The following RFXANK variants were observed in gnomAD, a reference collection of about 807,000 sequenced individuals.
RFXANK encodes the protein regulatory factor X associated ankyrin containing protein, also known as DNA-binding protein RFXANK.
A neutral mutation model predicts 34.5 loss-of-function variants in RFXANK; 19 were observed. The ratio of observed to expected loss-of-function variants is 0.55; its 90% CI spans 0.38 to 0.81. The LOEUF is 0.81. Ranked by LOEUF, RFXANK falls within the 30% of genes least tolerant of loss-of-function variation. The pLI, the probability that RFXANK is intolerant of heterozygous loss-of-function variation, is 0.00. For synonymous variants in RFXANK, 154 were observed against 149.8 expected (o/e 1.03, Z -0.20); for missense variants, 295 against 343.5 (o/e 0.86, Z 1.12).
chr19:19,197,812 C>T (rs2069229218), intron 6 of RFXANK, 191 bp downstream of exon 6: 1 of 658,798 alleles, frequency 1.5e-6, no homozygotes, highest in Non-Finnish European at 2.6e-6. Context: ...AGTTCAAGAC[C>T]AGCCCGGCCA....
chr19:19,195,611 C>T (rs912912837), intron 3 of RFXANK, among the ~76,000 whole-genome samples: 17 of 151,302 alleles, frequency 1.1e-4, no homozygotes, highest in African/African-American at 3.4e-4. Context: ...GTCCCTGTAG[C>T]GGATTTCTTT....
intron 9 of RFXANK, among the ~76,000 whole-genome samples, chr19:19,200,344 AT>A (rs1018731827): frequency 4.6e-5 from 7 of 151,518 alleles, no homozygotes; most frequent in African/African-American, 1.7e-4. Context: ...CGCCCGGCTA[AT>A]TTTTATATTT....
Position 19,197,245 on chromosome 19 carries a change from C to T in RFXANK, c.331C>T (p.Arg111Trp), listed in dbSNP as rs764895631. Residue 111 changes from arginine (R) to tryptophan (W), a missense_variant, in exon 5 of 10, where the codon CGG becomes TGG. Physicochemically the swap from Arg to Trp is moderately radical, Grantham distance 101. Transcript: ENST00000303088. ...GCTGGACCAGCTGAAGGAGCATTTG[C>T]GGAAAGGTGCGTGTCCACACACATG... ...GELDQLKEHLRKGDNLVNKPD... is the reference protein window; with the variant it reads ...GELDQLKEHLWKGDNLVNKPD... The T allele has an allele frequency of 3.2e-5, 52 of 1,612,774 alleles. No homozygotes were observed. The highest frequency in any genetic ancestry group is 1.3e-4 in the East Asian group (6 of 44,886).
At chr19:19,197,288 CTGGCTGG>C (rs1568579372) in intron 5 of RFXANK, 37 bp downstream of exon 5, 1 of 1,604,804 alleles carries the variant, frequency 6.2e-7, no homozygotes, top group Admixed American at 1.7e-5. Flanking sequence ...ATGTCTGCAC[CTGGCTGG>C]TGTGTGCATA....
chr19:19,193,526 C>T (rs747898703), intron 2 of RFXANK, among the ~76,000 whole-genome samples: 12 of 146,912 alleles, frequency 8.2e-5, no homozygotes, highest in Non-Finnish European at 1.3e-4. Context: ...TCAAGCAATT[C>T]TGCCTCAGCC....
At chr19:19,194,688 TA>T (rs1176263851) in intron 3 of RFXANK, among the ~76,000 whole-genome samples, 4 of 150,684 alleles carry the variant, frequency 2.7e-5, no homozygotes, top group African/African-American at 4.9e-5. Context: ...CACACCTGGC[TA>T]ATTTTTTTTT....
chr19:19,196,880 C>CAA, intron 3 of RFXANK, 83 bp from the exon 4 acceptor site: 11 of 1,247,300 alleles, frequency 8.8e-6, no homozygotes, highest in Non-Finnish European at 1.2e-5. Flanking sequence ...ACAACAGCAA[C>CAA]AAAAAAAAAC....
Position 19,201,826 on chromosome 19 carries a change from G to A in RFXANK, c.*107G>A. ...CAGCTTCTGGACAGGTGGTGGGAGG[G>A]GACCCTTCCCAAGAGGAACCAATAA... On this transcript the variant is annotated 3_prime_UTR_variant, in exon 10 of 10. Coordinates refer to ENST00000303088, the MANE Select transcript of RFXANK (RefSeq NM_003721.4). The A allele has an allele frequency of 6.2e-7, 1 of 1,611,702 alleles. No homozygotes were observed. Among genetic ancestry groups the A allele is most frequent in the Non-Finnish European group, 8.5e-7 (1 of 1,178,878 alleles).
chr19:19,197,030 G>A lies in RFXANK; in HGVS notation c.255G>A (p.Leu85=). 1.2e-6 allele frequency: 2 copies of A among 1,613,594 alleles called. No homozygotes were observed. Among genetic ancestry groups the A allele is most frequent in the Non-Finnish European group, 1.7e-6 (2 of 1,180,026 alleles). Residue 85 remains leucine (L), a synonymous_variant, in exon 4 of 10, where the codon CTG becomes CTA. Coordinates refer to ENST00000303088, the MANE Select transcript of RFXANK (RefSeq NM_003721.4). ...AGCGAGGGAACGAGGTGTCAGCTCT[G>A]CCGGCCACCCTAGACTGTGAGTGGG... is the stretch of plus-strand genomic sequence containing the variant. ...NRQRGNEVSA[L]PATLDSLSIH...
intron 6 of RFXANK, 60 bp downstream of exon 6, chr19:19,197,681 G>C (rs2060626179): frequency 1.4e-6 from 2 of 1,481,404 alleles, no homozygotes; most frequent in Admixed American, 1.8e-5. Context: ...GTGGGCTGGG[G>C]TTTTGGCTGT....
chr19:19,198,225 A>G lies in RFXANK; in HGVS notation c.557A>G (p.Tyr186Cys). 6.2e-7 allele frequency: 1 copy of G among 1,614,018 alleles called. No individual in the cohort carries two copies. Among genetic ancestry groups the G allele is most frequent in the Non-Finnish European group, 8.5e-7 (1 of 1,179,980 alleles). The change falls in exon 7 of 10, where the codon TAT becomes TGT. Residue 186 changes from tyrosine to cysteine, a missense_variant. Tyr to Cys is a radical substitution (Grantham distance 194). Coordinates refer to ENST00000303088, the MANE Select transcript of RFXANK (RefSeq NM_003721.4). ...GAGCGTGACGTGGACATCAACATCT[A>G]TGATTGGGTGAGGGACTGCCCATCC... ...LLERDVDINI[Y>C]DWNGGTPLLY...
At chr19:19,201,574 A>G in intron 9 of RFXANK, 75 bp from the exon 10 acceptor site, 1 of 1,610,656 alleles carries the variant, frequency 6.2e-7, no homozygotes, top group Non-Finnish European at 8.5e-7. Flanking sequence ...CTAAGGGGAG[A>G]GCGCAGGTTG....
intron 5 of RFXANK, 115 bp from the exon 6 acceptor site, chr19:19,197,406 C>A: frequency 1.6e-6 from 2 of 1,218,442 alleles, no homozygotes; most frequent in Non-Finnish European, 2.4e-6. Flanking sequence ...CATCAACATA[C>A]GCTCCCCCTC....
rs2060653813 is a variant in RFXANK at position 19,199,167 on chromosome 19, C to T, written c.645C>T (p.Asp215=). The T allele has an allele frequency of 6.2e-7, 1 of 1,613,876 alleles. No homozygotes were observed. Residue 215 remains aspartate, a synonymous_variant, in exon 9 of 10, where the codon GAC becomes GAT. Transcript: ENST00000303088. ...CVEALLARGA[D]LTTEADSGYT... is the part of the protein sequence containing the mutation. ...TCTCCTTTGCAGCCCGAGGCGCTGA[C>T]CTCACCACCGAAGCCGACTCTGGCT...
chr19:19,195,317 G>T lies in RFXANK; in HGVS notation c.187+1184G>T, dbSNP rs1215434416. Among the ~76,000 whole-genome samples the T allele has an allele frequency of 4.2e-5, 6 of 142,382 alleles. No homozygotes were observed. The East Asian group carries it at 1.3e-3, about 30-fold the overall frequency. The allele number at this position is 142,382 out of a possible 152,430, so 93.4% of individuals were successfully genotyped here. A position where few individuals can be genotyped will look rare whatever the true frequency, so the allele number is the denominator to read the frequency against. ...CTCCCCACTCTCGAGACGCCTCCTG[G>T]ATCCCCTCTCTTCTTGAGACAGAAT... On this transcript the variant is annotated intron_variant, in intron 3 of 9. Transcript: ENST00000303088.
intron 9 of RFXANK, among the ~76,000 whole-genome samples, chr19:19,201,095 G>A (rs1376304829): frequency 6.6e-6 from 1 of 151,564 alleles, no homozygotes; most frequent in Non-Finnish European, 1.5e-5. Flanking sequence ...CACCACACCC[G>A]GCTGCACCTG....
chr19:19,200,368 G>A (rs1273253915), intron 9 of RFXANK, among the ~76,000 whole-genome samples: 1 of 151,690 alleles, frequency 6.6e-6, no homozygotes, highest in Non-Finnish European at 1.5e-5. Flanking sequence ...AGTAGAGACG[G>A]GGTTTCACCA....
chr19:19,196,892 G>A (rs2060608095), intron 3 of RFXANK, 71 bp from the exon 4 acceptor site: 5 of 1,378,040 alleles, frequency 3.6e-6, no homozygotes, highest in South Asian at 3.5e-5. Context: ...AAAAAAAACA[G>A]ATGGGCTTCT....
At chr19:19,201,444 GA>G (rs2060714007) in intron 9 of RFXANK, 1 of 1,519,398 alleles carries the variant, frequency 6.6e-7, no homozygotes, top group Non-Finnish European at 8.8e-7. Context: ...TATTAATTCT[GA>G]AAAGCTACAA....
Sources: allele counts gnomAD v4.1 joint callset (sites outside exome capture counted in the v4.1 genomes callset), GRCh38; gene constraint gnomAD v4.1.1; transcripts MANE v1.5; gene names NCBI Gene and HGNC (gene_info 2026-07-23, HGNC 2026-07-21).